KIAA1958: variants seen among roughly 807,000 people sequenced by gnomAD.
The protein encoded by KIAA1958 is uncharacterized protein KIAA1958.
KIAA1958 carries 14 observed loss-of-function variants against 47.2 expected under a neutral mutation model. The observed-to-expected ratio is 0.30, with a 90% CI of 0.20 to 0.46. The LOEUF (loss-of-function observed/expected upper bound fraction) is 0.46, where lower values mean the gene tolerates loss of function less well. KIAA1958 is among the 20% of genes least tolerant of loss of function. The pLI, the probability that KIAA1958 is intolerant of heterozygous loss-of-function variation, is 1.00. For missense variants in KIAA1958, 803 were observed against 909.2 expected, an observed-to-expected ratio of 0.88 and a Z score of 1.50; for synonymous variants, 354 against 353.3, an observed-to-expected ratio of 1.00 and a Z score of -0.02.
chr9:112,538,969 G>A (rs1400503464), intron 1 of KIAA1958, among the ~76,000 whole-genome samples: 1 of 152,168 alleles, frequency 6.6e-6, no homozygotes, highest in African/African-American at 2.4e-5. Context: ...CAGTCATAGG[G>A]AAATGCAAAT....
At chr9:112,632,896 T>A (rs1209830222) in intron 2 of KIAA1958, among the ~76,000 whole-genome samples, 1 of 140,966 alleles carries the variant, frequency 7.1e-6, no homozygotes, top group Non-Finnish European at 1.5e-5. Flanking sequence ...CTGTCTTCTT[T>A]ATGGAAACAG....
intron 1 of KIAA1958, among the ~76,000 whole-genome samples, chr9:112,507,273 G>T (rs1301935495): frequency 6.6e-6 from 1 of 152,134 alleles, no homozygotes; most frequent in Non-Finnish European, 1.5e-5. Flanking sequence ...TCAGGGCTTA[G>T]GTTGATATAT....
chr9:112,493,751 GT>G (rs1211534242), intron 1 of KIAA1958, among the ~76,000 whole-genome samples: 1 of 152,102 alleles, frequency 6.6e-6, no homozygotes, highest in African/African-American at 2.4e-5. Flanking sequence ...ATTTAACACT[GT>G]TTATCTGTGG....
intron 2 of KIAA1958, among the ~76,000 whole-genome samples, chr9:112,614,393 A>G (rs949678795): frequency 2.0e-5 from 3 of 152,156 alleles, no homozygotes; most frequent in Non-Finnish European, 4.4e-5. Flanking sequence ...TGACTAGTCT[A>G]TTTCATTGTA....
chr9:112,585,566 G>A (rs928199991), intron 2 of KIAA1958, among the ~76,000 whole-genome samples: 6 of 152,142 alleles, frequency 3.9e-5, no homozygotes, highest in African/African-American at 1.4e-4. Context: ...AGAAGATCAC[G>A]CTGATAGTAT....
At chr9:112,533,933 G>A (rs1834810354) in intron 1 of KIAA1958, among the ~76,000 whole-genome samples, 1 of 152,296 alleles carries the variant, frequency 6.6e-6, no homozygotes, top group East Asian at 1.9e-4. Context: ...ATGACTTCCT[G>A]AAAGAATTGC....
At chr9:112,598,306 T>C (rs1262129865) in intron 2 of KIAA1958, among the ~76,000 whole-genome samples, 1 of 152,204 alleles carries the variant, frequency 6.6e-6, no homozygotes, top group Non-Finnish European at 1.5e-5. Context: ...GAGGAAACCA[T>C]GTGAGCTTAT....
intron 1 of KIAA1958, among the ~76,000 whole-genome samples, chr9:112,547,102 C>A (rs529140191): frequency 6.6e-6 from 1 of 151,900 alleles, no homozygotes; most frequent in East Asian, 2.0e-4. Flanking sequence ...CCTGGCTTGG[C>A]GCGGTAGCTC....
At chr9:112,587,984 G>T (rs1773481058) in intron 2 of KIAA1958, among the ~76,000 whole-genome samples, 1 of 152,130 alleles carries the variant, frequency 6.6e-6, no homozygotes, top group South Asian at 2.1e-4. Context: ...ACACAATTAA[G>T]CAGTAGAAGA....
intron 1 of KIAA1958, among the ~76,000 whole-genome samples, chr9:112,490,333 G>A (rs1833947182): frequency 6.6e-6 from 1 of 152,196 alleles, no homozygotes; most frequent in African/African-American, 2.4e-5. Flanking sequence ...ATAGTTGCCT[G>A]AGGAAGCCCC....
Position 112,662,735 on chromosome 9 carries a change from T to C in KIAA1958, c.*2666T>C, listed in dbSNP as rs2131257907. On this transcript the variant is annotated 3_prime_UTR_variant, in exon 4 of 4. Coordinates refer to ENST00000337530, the MANE Select transcript of KIAA1958 (RefSeq NM_133465.4). ...TGAACCTGGGAGGCGGAGGTTGCAG[T>C]GAGCCGAGACCATGCCACTGCACTC... 6.6e-6 allele frequency: 1 copy of C among 152,610 alleles called. No individual in the cohort carries two copies. The highest frequency in any genetic ancestry group is 2.4e-5 in the African/African-American group (1 of 41,564). 9.5% of individuals were successfully genotyped at this position (152,610 alleles called of 1,614,324 possible). A position where few individuals can be genotyped will look rare whatever the true frequency, so the allele number is the denominator to read the frequency against.
intron 2 of KIAA1958, among the ~76,000 whole-genome samples, chr9:112,616,571 CAG>C (rs1836410949): frequency 6.6e-6 from 1 of 152,132 alleles, no homozygotes; most frequent in African/African-American, 2.4e-5. Context: ...CTGTAGAAAT[CAG>C]AAATTACATA....
chr9:112,487,153 T>C (rs7031191), intron 1 of KIAA1958, 35 bp downstream of exon 1: 184,141 of 192,988 alleles, frequency 0.95, 87,945 homozygotes, highest in African/African-American at 0.98. Context: ...CGGGGACGAG[T>C]GCGCCGACGC....
intron 3 of KIAA1958, among the ~76,000 whole-genome samples, chr9:112,651,324 C>T (rs1343278): frequency 0.061 from 9,211 of 150,980 alleles, 306 homozygotes; most frequent in South Asian, 0.099. Context: ...AGAATATGTT[C>T]TCTGTCCACA....
At position 112,662,656 on chromosome 9, in the gene KIAA1958, G is replaced by A. The variant is rs1186248273; in HGVS notation, c.*2587G>A. 2.0e-5 allele frequency: 3 copies of A among 152,406 alleles called. No homozygotes were observed. Among genetic ancestry groups the A allele is most frequent in the Non-Finnish European group, 4.4e-5 (3 of 68,214 alleles). The allele number at this position is 152,406 out of a possible 1,614,324, so 9.4% of individuals were successfully genotyped here. A position where few individuals can be genotyped will look rare whatever the true frequency, so the allele number is the denominator to read the frequency against. On this transcript the variant is annotated 3_prime_UTR_variant, in exon 4 of 4. Transcript: ENST00000337530. ...AAAATACAAAAATTAGCCGGGCGTGGTGGCAGGTGCCTGTAATCCCAGCTA... is the reference window on the plus strand; with the variant it reads ...AAAATACAAAAATTAGCCGGGCGTGATGGCAGGTGCCTGTAATCCCAGCTA...
intron 2 of KIAA1958, among the ~76,000 whole-genome samples, chr9:112,606,321 C>T (rs1375748569): frequency 1.3e-5 from 2 of 152,062 alleles, no homozygotes; most frequent in African/African-American, 4.8e-5. Context: ...ATTCTGCTGC[C>T]TGCCCATTAA....
rs147815319 is a variant in KIAA1958 at position 112,643,942 on chromosome 9, C to T, written c.1172-1708C>T. Among the ~76,000 whole-genome samples, 518 of 152,180 alleles carry T rather than the reference C, an allele frequency of 3.4e-3. 4 individuals are homozygous for T. The highest frequency in any genetic ancestry group is 0.011 in the African/African-American group (448 of 41,532). On this transcript the variant is annotated intron_variant, in intron 2 of 3. Coordinates refer to ENST00000337530, the MANE Select transcript of KIAA1958 (RefSeq NM_133465.4). ...CCTGTAATCCCAGCACTTTGGGAGG[C>T]GGAGGTGGGCAGATCACCTGGGGTC...
In KIAA1958 at chr9:112,618,341, C is replaced by G; in HGVS notation, c.1172-27309C>G. ...CGAGGGTTTGCTCAACCTAGTCTGG[C>G]TCAACAACACAAAAGCTTTTGGGCA... On this transcript the variant is annotated intron_variant, in intron 2 of 3. Coordinates refer to ENST00000337530, the MANE Select transcript of KIAA1958 (RefSeq NM_133465.4). This position sits in a 1 kb window ranked among gnomAD's most constrained non-coding sequence, Gnocchi z 7.1. The G allele has an allele frequency of 6.4e-7, 1 of 1,551,288 alleles. No homozygotes were observed.
At chr9:112,523,716 A>C (rs1834593531) in intron 1 of KIAA1958, among the ~76,000 whole-genome samples, 1 of 152,220 alleles carries the variant, frequency 6.6e-6, no homozygotes, top group Admixed American at 6.5e-5. Context: ...ATATGCCCCA[A>C]GTAGAGAATA....
Sources: allele counts gnomAD v4.1 joint callset (sites outside exome capture counted in the v4.1 genomes callset), GRCh38; gene constraint gnomAD v4.1.1; non-coding constraint Gnocchi (gnomAD v3.1); transcripts MANE v1.5; gene names NCBI Gene and HGNC (gene_info 2026-07-23, HGNC 2026-07-21).